DENND1A: variants seen among roughly 807,000 people sequenced by gnomAD.
DENND1A encodes DENN domain-containing protein 1A.
Under a neutral mutation model 113.7 loss-of-function variants are expected in DENND1A, and 51 were observed. The ratio of observed to expected loss-of-function variants is 0.45; its 90% CI spans 0.36 to 0.57. The LOEUF is 0.57. DENND1A is among the 20% of genes least tolerant of loss of function. DENND1A has a pLI of 0.00. For missense variants in DENND1A, 1,258 were observed against 1,395.9 expected, an observed-to-expected ratio of 0.90 and a Z score of 1.57; for synonymous variants, 565 against 570.8, an observed-to-expected ratio of 0.99 and a Z score of 0.14.
At chr9:123,817,930 G>A (rs1334048512) in intron 2 of DENND1A, among the ~76,000 whole-genome samples, 2 of 151,498 alleles carry the variant, frequency 1.3e-5, no homozygotes, top group East Asian at 2.0e-4. Flanking sequence ...GGGAGGCTGA[G>A]GCAGGAGAAT....
intron 13 of DENND1A, among the ~76,000 whole-genome samples, chr9:123,542,851 C>T (rs1470402237): frequency 6.6e-6 from 1 of 152,128 alleles, no homozygotes; most frequent in Non-Finnish European, 1.5e-5. Context: ...GCCTCCCTGT[C>T]TTCTTTTGAA....
chr9:123,814,196 G>T (rs1335535741), intron 2 of DENND1A, among the ~76,000 whole-genome samples: 5 of 152,060 alleles, frequency 3.3e-5, no homozygotes, highest in Non-Finnish European at 7.4e-5. Flanking sequence ...TCTTAAGAGG[G>T]TATGTAACAC....
intron 1 of DENND1A, among the ~76,000 whole-genome samples, chr9:123,885,182 G>T (rs1368993916): frequency 6.6e-6 from 1 of 152,098 alleles, no homozygotes; most frequent in African/African-American, 2.4e-5. Context: ...TTACCTGGGG[G>T]GCTTTTAAAA....
At chr9:123,790,991 G>C (rs1470178119) in intron 3 of DENND1A, among the ~76,000 whole-genome samples, 1 of 151,760 alleles carries the variant, frequency 6.6e-6, no homozygotes, top group African/African-American at 2.4e-5. Context: ...TACATGTTTT[G>C]TCATGAACAT....
At chr9:123,812,320 C>T (rs779487732) in intron 2 of DENND1A, among the ~76,000 whole-genome samples, 10 of 151,960 alleles carry the variant, frequency 6.6e-5, no homozygotes, top group Non-Finnish European at 1.0e-4. Context: ...CTTTTAATTG[C>T]TATAAAATTC....
chr9:123,883,941 A>T (rs951628259), intron 1 of DENND1A, among the ~76,000 whole-genome samples: 1 of 151,998 alleles, frequency 6.6e-6, no homozygotes, highest in Non-Finnish European at 1.5e-5. Context: ...GGTCATGCTT[A>T]TCCATGATCA....
intron 2 of DENND1A, among the ~76,000 whole-genome samples, chr9:123,840,140 T>C (rs1000604109): frequency 6.6e-6 from 1 of 151,262 alleles, no homozygotes; most frequent in Non-Finnish European, 1.5e-5. Context: ...AGTAAATACA[T>C]CCACCACTCA....
At chr9:123,570,625 C>T (rs2058303831) in intron 12 of DENND1A, among the ~76,000 whole-genome samples, 1 of 152,212 alleles carries the variant, frequency 6.6e-6, no homozygotes. Flanking sequence ...CACCTCCATA[C>T]TCATTATACC....
intron 13 of DENND1A, among the ~76,000 whole-genome samples, chr9:123,490,541 A>T (rs1268519690): frequency 6.6e-6 from 1 of 152,144 alleles, no homozygotes; most frequent in African/African-American, 2.4e-5. Flanking sequence ...GTGAGCCAAG[A>T]TCATGCCACT....
At chr9:123,402,593 G>A (rs1247834754) in intron 21 of DENND1A, 10 of 534,646 alleles carry the variant, frequency 1.9e-5, no homozygotes, top group Non-Finnish European at 3.8e-5. Flanking sequence ...AGACCAAGAC[G>A]AACTCATGCA....
At chr9:123,649,361 T>G (rs1377580887) in intron 9 of DENND1A, among the ~76,000 whole-genome samples, 1 of 152,318 alleles carries the variant, frequency 6.6e-6, no homozygotes, top group South Asian at 2.1e-4. Flanking sequence ...TTTTTACCCC[T>G]ACATTAATGA....
In DENND1A at chr9:123,382,167, G is replaced by A. The variant is rs752231947; in HGVS notation, c.2478C>T (p.Leu826=). The change falls in exon 24 of 24, where the codon CTC becomes CTT. Residue 826 remains leucine, a synonymous_variant. Transcript: ENST00000394215. ...CCCCGGGGCCAGGGCTGAGCGGCTG[G>A]AGCAGTTCAGTGGGGCCTTGGGGGA... is the stretch of plus-strand genomic sequence containing the variant. The part of the protein sequence containing the change: ...GVVPQGPTEL[L]QPLSPGPGAA... The A allele has an allele frequency of 1.2e-5, 19 of 1,608,532 alleles. No homozygotes were observed. Among genetic ancestry groups the A allele is most frequent in the Admixed American group, 8.4e-5 (5 of 59,610 alleles).
intron 13 of DENND1A, among the ~76,000 whole-genome samples, chr9:123,483,154 C>T (rs538196385): frequency 1.3e-5 from 2 of 152,236 alleles, no homozygotes; most frequent in South Asian, 4.1e-4. Flanking sequence ...GTTGATGGAT[C>T]TAGCCGACTG....
intron 13 of DENND1A, among the ~76,000 whole-genome samples, chr9:123,531,545 C>T (rs1169590349): frequency 2.0e-5 from 2 of 101,370 alleles, no homozygotes; most frequent in Non-Finnish European, 3.8e-5. Context: ...CTCTTCCCCC[C>T]TCTCTCTCTA....
intron 1 of DENND1A, among the ~76,000 whole-genome samples, chr9:123,902,710 T>C (rs1308919886): frequency 6.7e-6 from 1 of 149,816 alleles, no homozygotes; most frequent in African/African-American, 2.4e-5. Flanking sequence ...GAAACTGACA[T>C]CCTTAAATAG....
intron 13 of DENND1A, among the ~76,000 whole-genome samples, chr9:123,468,427 A>T (rs2049127674): frequency 6.6e-6 from 1 of 152,212 alleles, no homozygotes; most frequent in African/African-American, 2.4e-5. Context: ...GGTACAGGTG[A>T]AAGTGACCAG....
intron 13 of DENND1A, among the ~76,000 whole-genome samples, chr9:123,477,784 C>T (rs1318888714): frequency 6.6e-6 from 1 of 151,958 alleles, no homozygotes; most frequent in Non-Finnish European, 1.5e-5. Context: ...AACACGAGTG[C>T]CTCCCCCCTC....
intron 20 of DENND1A, 142 bp downstream of exon 20, chr9:123,411,634 A>T: frequency 2.6e-6 from 1 of 377,494 alleles, no homozygotes; most frequent in Non-Finnish European, 3.7e-6. Flanking sequence ...AGTTCATGCC[A>T]CACAGAGAGG....
At chr9:123,897,669 A>G (rs996709649) in intron 1 of DENND1A, among the ~76,000 whole-genome samples, 3 of 152,190 alleles carry the variant, frequency 2.0e-5, no homozygotes, top group Non-Finnish European at 4.4e-5. Flanking sequence ...GGAGCCTACC[A>G]GCAATGCATA....
Sources: allele counts gnomAD v4.1 joint callset (sites outside exome capture counted in the v4.1 genomes callset), GRCh38; gene constraint gnomAD v4.1.1; transcripts MANE v1.5; gene names NCBI Gene and HGNC (gene_info 2026-07-23, HGNC 2026-07-21).